Variants in MAPK14 observed in about 807,000 individuals in gnomAD.
MAPK14 encodes mitogen-activated protein kinase 14.
In MAPK14, 16 loss-of-function variants were observed where a neutral mutation model predicts 49.6. The observed-to-expected ratio is 0.32, with a 90% confidence interval of 0.22 to 0.49. MAPK14 has a LOEUF of 0.49. Ranked by LOEUF, MAPK14 falls within the 20% of genes least tolerant of loss-of-function variation. The pLI is 0.99. For synonymous variants in MAPK14, 142 were observed against 158.0 expected (o/e 0.90, Z 0.76); for missense variants, 200 against 441.2 (o/e 0.45, Z 4.90).
chr6:36,100,115 C>T, intron 9 of MAPK14: 1 of 1,143,038 alleles, frequency 8.7e-7, no homozygotes. Flanking sequence ...GCTTTTTGAC[C>T]TTTTTAAAAA....
rs112409569 is a variant in MAPK14, at chr6:36,105,627, T to C, written c.842-1828T>C. Among the ~76,000 whole-genome samples the C allele has an allele frequency of 1.4e-3, 209 of 152,350 alleles. 2 individuals carry two copies. Among genetic ancestry groups the C allele is most frequent in the African/African-American group, 4.8e-3 (199 of 41,574 alleles). On this transcript the variant is annotated intron_variant, in intron 10 of 11. Coordinates refer to ENST00000229794, the MANE Select transcript of MAPK14 (RefSeq NM_139012.3). The stretch of plus-strand genomic sequence containing the variant: ...CCTAGTACTGTAAAGTGTAAACTTA[T>C]GAACTTGAATTGACACATGAATATT...
chr6:36,090,557 G>A (rs552450263), intron 8 of MAPK14, among the ~76,000 whole-genome samples: 72 of 139,206 alleles, frequency 5.2e-4, no homozygotes, highest in African/African-American at 1.6e-3. Flanking sequence ...ACAGAGTCTC[G>A]CTCTGTCGCC....
At chr6:36,091,462 G>A (rs1765225659) in intron 8 of MAPK14, among the ~76,000 whole-genome samples, 1 of 152,074 alleles carries the variant, frequency 6.6e-6, no homozygotes, top group Admixed American at 6.5e-5. Context: ...GAGAAACAGG[G>A]CTAAACCTAT....
At chr6:36,118,295 A>G in the MAPK14 span, among the ~76,000 whole-genome samples, 73 of 152,354 alleles carry the variant, frequency 4.8e-4, 1 homozygote, top group Non-Finnish European at 9.3e-4. Flanking sequence ...TTCTACAAAT[A>G]TCTATTAGGT....
chr6:36,095,138 A>G (rs543877862), intron 8 of MAPK14, among the ~76,000 whole-genome samples: 7 of 152,186 alleles, frequency 4.6e-5, no homozygotes, highest in Non-Finnish European at 1.0e-4. Context: ...AGAACAAACA[A>G]ATTTTTGTCT....
chr6:36,060,482 C>T (rs1038830841), intron 3 of MAPK14, among the ~76,000 whole-genome samples: 6 of 152,216 alleles, frequency 3.9e-5, no homozygotes, highest in Admixed American at 2.6e-4. Context: ...GAAATTTTGG[C>T]ATTCCTAAAT....
chr6:36,052,639 C>T, intron 1 of MAPK14, 60 bp from the exon 2 acceptor site: 3 of 1,473,976 alleles, frequency 2.0e-6, no homozygotes, highest in South Asian at 2.7e-5. Flanking sequence ...TTATAAATAC[C>T]CCAAAATAAT....
chr6:36,095,757 TG>T (rs1765420891), intron 8 of MAPK14, among the ~76,000 whole-genome samples: 2 of 152,072 alleles, frequency 1.3e-5, no homozygotes, highest in African/African-American at 4.8e-5. Flanking sequence ...GAATATAAAG[TG>T]GATATGTGTT....
chr6:36,064,195 C>T (rs1034079298), intron 3 of MAPK14, among the ~76,000 whole-genome samples: 1 of 151,058 alleles, frequency 6.6e-6, no homozygotes, highest in African/African-American at 2.4e-5. Context: ...CTTGGTTGGT[C>T]TTGAACTCCT....
chr6:36,048,124 C>G (rs996349959), intron 1 of MAPK14, among the ~76,000 whole-genome samples: 2 of 152,098 alleles, frequency 1.3e-5, no homozygotes, highest in African/African-American at 4.8e-5. Flanking sequence ...TCAGTGCAAC[C>G]TCCACCTCCT....
At chr6:36,103,897 G>GC (rs1765718432) in intron 10 of MAPK14, among the ~76,000 whole-genome samples, 2 of 152,180 alleles carry the variant, frequency 1.3e-5, no homozygotes, top group Non-Finnish European at 2.9e-5. Flanking sequence ...CTTTGCATCT[G>GC]TTTGGGTCAT....
chr6:36,100,092 C>A, intron 9 of MAPK14: 1 of 816,526 alleles, frequency 1.2e-6, no homozygotes, highest in Non-Finnish European at 2.1e-6. Context: ...GTTTTTTTGT[C>A]TGTTTGGGGG....
chr6:36,121,021 G>A, the MAPK14 span, among the ~76,000 whole-genome samples: 1 of 152,130 alleles, frequency 6.6e-6, no homozygotes, highest in Admixed American at 6.5e-5. Flanking sequence ...GCCAGCCCAG[G>A]AAGAGCTGCT....
rs1388140018 is a variant in MAPK14, at chr6:36,108,830, C to T, written c.*383C>T. 1 of 230,110 alleles carries T rather than the reference C, an allele frequency of 4.3e-6. No homozygotes were observed. The highest frequency in any genetic ancestry group is 8.8e-6 in the Non-Finnish European group (1 of 114,012). The allele number at this position is 230,110 out of a possible 1,614,324, so 14.3% of individuals were successfully genotyped here. ...GGTCATGCTTTTGCCACTTTGGCTT[C>T]TCCTGTGACCCCACCTTGACGGTGG... On this transcript the variant is annotated 3_prime_UTR_variant, in exon 12 of 12. Coordinates refer to ENST00000229794, the MANE Select transcript of MAPK14 (RefSeq NM_139012.3).
At chr6:36,069,685 T>C (rs999655209) in intron 3 of MAPK14, among the ~76,000 whole-genome samples, 2 of 152,014 alleles carry the variant, frequency 1.3e-5, no homozygotes, top group Non-Finnish European at 2.9e-5. Flanking sequence ...AGTGGTAAAC[T>C]GTTCTAATTA....
downstream of MAPK14, among the ~76,000 whole-genome samples, chr6:36,111,728 G>T (rs1275112755): frequency 6.6e-6 from 1 of 152,144 alleles, no homozygotes; most frequent in Non-Finnish European, 1.5e-5. Context: ...AGGGTGGATT[G>T]TGGGGCTCAG....
At chr6:36,050,659 A>C (rs997164106) in intron 1 of MAPK14, among the ~76,000 whole-genome samples, 3 of 152,198 alleles carry the variant, frequency 2.0e-5, no homozygotes, top group Admixed American at 6.5e-5. Context: ...TGCAGCAGAG[A>C]GGGATAGTTT....
Position 36,081,378 on chromosome 6 carries a change from G to A in MAPK14, c.682+4770G>A, listed in dbSNP as rs779544789. Reference sequence around the variant, plus strand: ...AATTAATTTTTATAGATGATGTGAGGTAGGGGCCCAACTTCATTCTTTTGC... The same window carrying A: ...AATTAATTTTTATAGATGATGTGAGATAGGGGCCCAACTTCATTCTTTTGC... On this transcript the variant is annotated intron_variant, in intron 8 of 11. Transcript: ENST00000229794. Among the ~76,000 whole-genome samples the A allele has an allele frequency of 3.9e-5, 6 of 152,134 alleles. No individual in the cohort carries two copies. In the East Asian group the frequency reaches 1.2e-3, roughly 29 times the overall value.
At chr6:36,099,011 G>T (rs185573320) in intron 9 of MAPK14, among the ~76,000 whole-genome samples, 1 of 152,206 alleles carries the variant, frequency 6.6e-6, no homozygotes, top group Non-Finnish European at 1.5e-5. Context: ...AAAAGGCAGC[G>T]TGGAGCACAT....
Sources: gnomAD v4.1 joint callset for allele counts (sites outside exome capture counted in the v4.1 genomes callset) on GRCh38, gnomAD v4.1.1 for gene constraint, MANE v1.5 for transcripts, NCBI Gene and HGNC (gene_info 2026-07-23, HGNC 2026-07-21) for gene names.